The following YEATS2 variants were observed in gnomAD, a reference collection of about 807,000 sequenced individuals.
YEATS2 encodes the protein YEATS domain-containing protein 2.
In YEATS2, 77 loss-of-function variants were observed where a neutral mutation model predicts 163.2. The observed-to-expected ratio is 0.47, with a 90% CI of 0.39 to 0.57. The LOEUF is 0.57. Ranked by LOEUF, YEATS2 falls within the 20% of genes least tolerant of loss-of-function variation. YEATS2 has a pLI of 0.00. For missense variants in YEATS2, 1,549 were observed against 1,729.8 expected (o/e 0.90, Z 1.85); for synonymous variants, 631 against 645.1 (o/e 0.98, Z 0.33).
intron 7 of YEATS2, among the ~76,000 whole-genome samples, chr3:183,735,198 G>T (rs1037271308): frequency 6.6e-6 from 1 of 152,176 alleles, no homozygotes; most frequent in Admixed American, 6.6e-5. Flanking sequence ...CATTCAGTGT[G>T]ATTGAGGCAT....
At chr3:183,800,031 A>G (rs895058759) in intron 23 of YEATS2, among the ~76,000 whole-genome samples, 3 of 151,718 alleles carry the variant, frequency 2.0e-5, no homozygotes, top group African/African-American at 7.3e-5. Context: ...ATGGGGTTTC[A>G]CCATGTTAGC....
intron 19 of YEATS2, among the ~76,000 whole-genome samples, chr3:183,783,302 C>G (rs898046513): frequency 1.3e-5 from 2 of 152,226 alleles, no homozygotes; most frequent in Non-Finnish European, 2.9e-5. Context: ...ATGGTGTCTG[C>G]TTGTGGAGTG....
At chr3:183,737,318 G>A (rs942733957) in intron 8 of YEATS2, among the ~76,000 whole-genome samples, 8 of 152,294 alleles carry the variant, frequency 5.3e-5, no homozygotes, top group Non-Finnish European at 1.0e-4. Context: ...CAAAGTGGGA[G>A]TGTTAGGTCT....
chr3:183,758,678 C>A (rs1721019610), intron 12 of YEATS2, among the ~76,000 whole-genome samples, 184 bp from the exon 13 acceptor site: 1 of 144,804 alleles, frequency 6.9e-6, no homozygotes, highest in Non-Finnish European at 1.5e-5. Context: ...AGCATGAGAT[C>A]AGCTTCACAG....
At chr3:183,807,132 C>A in intron 28 of YEATS2, 40 bp downstream of exon 28, 1 of 1,561,048 alleles carries the variant, frequency 6.4e-7, no homozygotes, top group South Asian at 1.2e-5. Context: ...AGCAGACCAG[C>A]TCAGAGCTAG....
In YEATS2 at chr3:183,810,703, C is replaced by A; in HGVS notation, c.*120C>A. ...GACTCGGCATGTCATGGCTACCCAA[C>A]CTTTGCCGCTGCCTGTTCCCACGTG... On this transcript the variant is annotated 3_prime_UTR_variant, in exon 31 of 31. Coordinates refer to ENST00000305135, the MANE Select transcript of YEATS2 (RefSeq NM_018023.5). 1 of 844,174 alleles carries A rather than the reference C, an allele frequency of 1.2e-6. No homozygotes were observed. The highest frequency in any genetic ancestry group is 1.6e-5 in the South Asian group (1 of 63,486). 52.3% of individuals were successfully genotyped at this position (844,174 alleles called of 1,614,324 possible).
At chr3:183,742,611 T>C (rs1356603808) in intron 8 of YEATS2, among the ~76,000 whole-genome samples, 1 of 152,238 alleles carries the variant, frequency 6.6e-6, no homozygotes, top group East Asian at 1.9e-4. Flanking sequence ...CTTCTTGAGA[T>C]GGCATCCACT....
At chr3:183,721,570 G>A (rs1326671274) in intron 4 of YEATS2, among the ~76,000 whole-genome samples, 1 of 152,112 alleles carries the variant, frequency 6.6e-6, no homozygotes, top group East Asian at 1.9e-4. Flanking sequence ...CAGTTGATAT[G>A]TTTGTGTAAA....
chr3:183,791,074 C>T, intron 21 of YEATS2, 94 bp downstream of exon 21: 2 of 1,497,358 alleles, frequency 1.3e-6, no homozygotes, highest in Non-Finnish European at 1.8e-6. Context: ...CACTCTGTCG[C>T]CCAAGCTAGA....
chr3:183,765,246 A>G (rs1397015249), intron 15 of YEATS2, among the ~76,000 whole-genome samples: 1 of 152,152 alleles, frequency 6.6e-6, no homozygotes, highest in African/African-American at 2.4e-5. Context: ...TCACATAGGG[A>G]TATGTGGCTT....
intron 27 of YEATS2, chr3:183,806,201 C>G (rs764446162): frequency 2.4e-6 from 1 of 421,834 alleles, no homozygotes; most frequent in Non-Finnish European, 4.6e-6. Context: ...TTTCAACTTA[C>G]GATGGGTTTT....
At chr3:183,713,562 C>G (rs1446736444) in intron 1 of YEATS2, among the ~76,000 whole-genome samples, 6 of 151,890 alleles carry the variant, frequency 4.0e-5, no homozygotes, top group Admixed American at 3.9e-4. Context: ...GACTCCGTCT[C>G]AATCAATCAA....
chr3:183,796,040 T>C (rs1185651653), intron 21 of YEATS2, among the ~76,000 whole-genome samples: 1 of 147,558 alleles, frequency 6.8e-6, no homozygotes, highest in Admixed American at 6.9e-5. Flanking sequence ...TGGAGTGCAA[T>C]GGCGTGATCT....
chr3:183,801,698 A>G (rs1725679322), intron 25 of YEATS2, 170 bp downstream of exon 25: 1 of 510,162 alleles, frequency 2.0e-6, no homozygotes, highest in East Asian at 3.3e-5. Context: ...ATTCACATCC[A>G]GTTAGTTTTT....
chr3:183,702,477 A>G (rs1714199086), intron 1 of YEATS2, among the ~76,000 whole-genome samples: 1 of 151,650 alleles, frequency 6.6e-6, no homozygotes, highest in African/African-American at 2.4e-5. Context: ...AAAAATCTCA[A>G]ACCCCTTAAA....
At chr3:183,702,882 G>C (rs955921287) in intron 1 of YEATS2, among the ~76,000 whole-genome samples, 5 of 151,954 alleles carry the variant, frequency 3.3e-5, no homozygotes, top group Admixed American at 6.6e-5. Context: ...AGCTTTCCAG[G>C]TGCATTAATG....
intron 10 of YEATS2, among the ~76,000 whole-genome samples, chr3:183,752,537 G>T (rs549791135): frequency 1.5e-4 from 23 of 151,610 alleles, no homozygotes; most frequent in Non-Finnish European, 3.4e-4. Flanking sequence ...GTGAAACCCC[G>T]TCTCTACTAA....
At chr3:183,703,025 T>A (rs1560212264) in intron 1 of YEATS2, among the ~76,000 whole-genome samples, 1 of 152,152 alleles carries the variant, frequency 6.6e-6, no homozygotes, top group Non-Finnish European at 1.5e-5. Context: ...GCAAATTGTG[T>A]AGTCTTAAAG....
At chr3:183,791,367 A>G (rs1307331750) in intron 21 of YEATS2, among the ~76,000 whole-genome samples, 1 of 152,202 alleles carries the variant, frequency 6.6e-6, no homozygotes, top group Non-Finnish European at 1.5e-5. Context: ...AATATTTTGT[A>G]TGGTAAATTG....
Sources: gnomAD v4.1 joint callset for allele counts (sites outside exome capture counted in the v4.1 genomes callset) on GRCh38, gnomAD v4.1.1 for gene constraint, MANE v1.5 for transcripts, NCBI Gene and HGNC (gene_info 2026-07-23, HGNC 2026-07-21) for gene names.